The following DHRS12 variants were observed in gnomAD, a reference collection of about 807,000 sequenced individuals.
DHRS12 encodes dehydrogenase/reductase 12, also known as dehydrogenase/reductase SDR family member 12.
In DHRS12, 29 loss-of-function variants were observed where a neutral mutation model predicts 32.1. The ratio of observed to expected loss-of-function variants is 0.90; its 90% CI spans 0.67 to 1.23. DHRS12 has a LOEUF of 1.23. Ranked by LOEUF, DHRS12 falls within the 50% of genes most tolerant of loss-of-function variation. The pLI, the probability that DHRS12 is intolerant of heterozygous loss-of-function variation, is 0.00. For synonymous variants in DHRS12, 150 were observed against 135.9 expected (o/e 1.10, Z -0.72); for missense variants, 330 against 337.2 (o/e 0.98, Z 0.17).
chr13:51,758,124 C>T, the DHRS12 span: 8 of 1,289,350 alleles, frequency 6.2e-6, no homozygotes, highest in East Asian at 2.4e-5. Context: ...AGCCTAATGT[C>T]ATCCTAGATC....
the DHRS12 span, chr13:51,758,186 T>C: frequency 4.5e-6 from 7 of 1,566,242 alleles, no homozygotes; most frequent in Non-Finnish European, 6.1e-6. Context: ...TCTTTGCTCC[T>C]TCTAGACGTG....
chr13:51,770,862 C>T, intron 7 of DHRS12: 1 of 1,111,362 alleles, frequency 9.0e-7, no homozygotes. Flanking sequence ...GTCTTCAGCC[C>T]TGAACAGATT....
In DHRS12 at chr13:51,772,459, C is replaced by T. The variant is rs145789233; in HGVS notation, c.469-548G>A. The stretch of plus-strand genomic sequence containing the variant: ...CCAACGTGGTGAAACCCAGTCTCTA[C>T]TAAAAATGCAAAAATTAGCTGGGTG... On this transcript the variant is annotated intron_variant, in intron 6 of 8. Coordinates refer to ENST00000444610, the MANE Select transcript of DHRS12 (RefSeq NM_001377533.1). 7.9e-4 allele frequency among the ~76,000 whole-genome samples: 121 copies of T among 152,224 alleles called. 1 individual carries two copies. Among genetic ancestry groups the T allele is most frequent in the African/African-American group, 2.8e-3 (118 of 41,544 alleles).
the DHRS12 span, among the ~76,000 whole-genome samples, chr13:51,759,356 A>T: frequency 6.6e-6 from 1 of 152,222 alleles, no homozygotes; most frequent in Non-Finnish European, 1.5e-5. Context: ...TGGAGGGTGG[A>T]ACAAATCTAT....
intron 5 of DHRS12, 66 bp downstream of exon 5, chr13:51,776,994 G>C: frequency 6.3e-7 from 1 of 1,583,848 alleles, no homozygotes; most frequent in South Asian, 1.1e-5. Context: ...AGCAAACCTA[G>C]GCCCACTGAC....
At chr13:51,777,902 A>C (rs948939861) in intron 4 of DHRS12, among the ~76,000 whole-genome samples, 2 of 152,220 alleles carry the variant, frequency 1.3e-5, no homozygotes, top group Non-Finnish European at 2.9e-5. Flanking sequence ...CTGTGTTTAC[A>C]AAAAAGGGAG....
chr13:51,772,925 A>C (rs1327708521), intron 6 of DHRS12: 2 of 985,348 alleles, frequency 2.0e-6, no homozygotes, highest in African/African-American at 3.5e-5. Flanking sequence ...GCATATAAAC[A>C]GAAGAAGTGG....
chr13:51,802,558 G>A (rs994323837), intron 1 of DHRS12, among the ~76,000 whole-genome samples: 1 of 152,188 alleles, frequency 6.6e-6, no homozygotes, highest in Admixed American at 6.5e-5. Context: ...CAGGGTTTAG[G>A]AGTCTGTTTA....
intron 2 of DHRS12, among the ~76,000 whole-genome samples, chr13:51,791,737 C>T (rs1424093556): frequency 6.6e-6 from 1 of 152,182 alleles, no homozygotes; most frequent in Non-Finnish European, 1.5e-5. Flanking sequence ...ACTTTGTGCC[C>T]TTTGATAGTA....
intron 2 of DHRS12, among the ~76,000 whole-genome samples, chr13:51,794,631 C>T (rs1231629573): frequency 1.3e-5 from 2 of 152,112 alleles, no homozygotes; most frequent in Non-Finnish European, 2.9e-5. Flanking sequence ...AAATGTTGCC[C>T]AGGCACCTGT....
the DHRS12 span, among the ~76,000 whole-genome samples, chr13:51,757,807 A>T: frequency 6.6e-6 from 1 of 151,130 alleles, no homozygotes; most frequent in Non-Finnish European, 1.5e-5. Context: ...TAGTAATATC[A>T]TGGGACACTT....
At position 51,779,713 on chromosome 13, in the gene DHRS12, T is replaced by C. The variant is rs1008847924; in HGVS notation, c.302-2592A>G. ...CCCTCCCAAAGCCCAGCTGTGTCTCTGCCATTGAGTTCTGTGAGGGCTGCC... is the reference window on the plus strand; with the variant it reads ...CCCTCCCAAAGCCCAGCTGTGTCTCCGCCATTGAGTTCTGTGAGGGCTGCC... On this transcript the variant is annotated intron_variant, in intron 4 of 8. Transcript: ENST00000444610. Among the ~76,000 whole-genome samples the C allele has an allele frequency of 3.3e-5, 5 of 152,340 alleles. No individual in the cohort carries two copies. In the South Asian group the frequency reaches 6.2e-4, roughly 19 times the overall value.
At position 51,804,126 on chromosome 13, in the gene DHRS12, G is replaced by A. The variant is rs761051100; in HGVS notation, c.-81C>T. The A allele has an allele frequency of 2.7e-6, 4 of 1,470,764 alleles. No homozygotes were observed. Among genetic ancestry groups the A allele is most frequent in the East Asian group, 2.9e-5 (1 of 34,028 alleles). 91.1% of individuals were successfully genotyped at this position (1,470,764 alleles called of 1,614,324 possible). Reference sequence around the variant, plus strand: ...CAGGGACATGCCGGGAGCGCCCCACGCCTAGCCCCACCGCGCTCCCGGCGC... The same window carrying A: ...CAGGGACATGCCGGGAGCGCCCCACACCTAGCCCCACCGCGCTCCCGGCGC... On this transcript the variant is annotated 5_prime_UTR_variant, in exon 1 of 9. Coordinates refer to ENST00000444610, the MANE Select transcript of DHRS12 (RefSeq NM_001377533.1).
intron 2 of DHRS12, among the ~76,000 whole-genome samples, chr13:51,794,210 C>T (rs576036731): frequency 6.6e-6 from 1 of 152,328 alleles, no homozygotes; most frequent in African/African-American, 2.4e-5. Context: ...CACTGTGATA[C>T]AAGCATGGTT....
the DHRS12 span, chr13:51,758,357 G>A: frequency 3.8e-6 from 5 of 1,318,498 alleles, no homozygotes; most frequent in Non-Finnish European, 1.1e-6. Flanking sequence ...AAATATACAG[G>A]AGCACCAAGA....
intron 2 of DHRS12, among the ~76,000 whole-genome samples, chr13:51,791,734 G>A (rs746594489): frequency 2.0e-5 from 3 of 152,102 alleles, no homozygotes; most frequent in Non-Finnish European, 2.9e-5. Context: ...GAAACTTTGT[G>A]CCCTTTGATA....
downstream of DHRS12, chr13:51,766,994 CG>C (rs1953770856): frequency 1.3e-5 from 2 of 152,210 alleles, no homozygotes; most frequent in African/African-American, 4.8e-5. Flanking sequence ...GCACAGCACA[CG>C]GGCTCAAGCC....
Position 51,799,554 on chromosome 13 carries a change from G to T in DHRS12, c.106C>A (p.Pro36Thr). The change falls in exon 2 of 9, where the codon CCC becomes ACC. Residue 36 changes from proline (P) to threonine (T), a missense_variant. Coordinates refer to ENST00000444610, the MANE Select transcript of DHRS12 (RefSeq NM_001377533.1). Reference sequence around the variant, plus strand: ...CTTACCTCGCTTGGCGATTTCAAGGGCAGTTGCTTTGCCAATGCCGCTGTT... The same window carrying T: ...CTTACCTCGCTTGGCGATTTCAAGGTCAGTTGCTTTGCCAATGCCGCTGTT... The part of the protein sequence containing the change: ...EETAALAKQL[P>T]LKSPSENIFL... 1 of 1,613,834 alleles carries T rather than the reference G, an allele frequency of 6.2e-7. No individual in the cohort carries two copies.
the DHRS12 span, among the ~76,000 whole-genome samples, chr13:51,758,552 TA>T: frequency 0.3 from 38,239 of 127,706 alleles, 5,557 homozygotes; most frequent in Admixed American, 0.45. Context: ...CCTCATCTCT[TA>T]AAAAAAAAAA....
Sources: gnomAD v4.1 joint callset for allele counts (sites outside exome capture counted in the v4.1 genomes callset) on GRCh38, gnomAD v4.1.1 for gene constraint, MANE v1.5 for transcripts, NCBI Gene and HGNC (gene_info 2026-07-23, HGNC 2026-07-21) for gene names.